AGBL1: variants seen among roughly 807,000 people sequenced by gnomAD.
AGBL1 encodes the protein cytosolic carboxypeptidase 4.
In AGBL1, 130 loss-of-function variants were observed where a neutral mutation model predicts 118.9. The ratio of observed to expected loss-of-function variants is 1.09; its 90% CI spans 0.95 to 1.26. The LOEUF (loss-of-function observed/expected upper bound fraction) is 1.26. Ranked by LOEUF, AGBL1 falls within the 50% of genes most tolerant of loss-of-function variation. The pLI, the probability that AGBL1 is intolerant of heterozygous loss-of-function variation, is 0.00. For missense variants in AGBL1, 1,584 were observed against 1,298.1 expected, an observed-to-expected ratio of 1.22 and a Z score of -3.38; for synonymous variants, 555 against 478.9, an observed-to-expected ratio of 1.16 and a Z score of -2.08.
chr15:86,682,166 C>T (rs2085970918), intron 22 of AGBL1, among the ~76,000 whole-genome samples: 1 of 152,094 alleles, frequency 6.6e-6, no homozygotes, highest in African/African-American at 2.4e-5. Flanking sequence ...CAAATAAATG[C>T]TACATGTTGG....
chr15:86,355,103 CT>C (rs1162482282), intron 17 of AGBL1, among the ~76,000 whole-genome samples: 1 of 152,114 alleles, frequency 6.6e-6, no homozygotes, highest in Non-Finnish European at 1.5e-5. Context: ...GGCCAGGTGA[CT>C]TTTTGCTTGG....
intron 21 of AGBL1, among the ~76,000 whole-genome samples, chr15:86,627,336 C>G (rs997412706): frequency 1.3e-5 from 2 of 152,252 alleles, no homozygotes; most frequent in African/African-American, 4.8e-5. Flanking sequence ...TGCCTATTGT[C>G]TGGGCATGGA....
In AGBL1 at chr15:86,480,905, G is replaced by A. The variant is rs530819523; in HGVS notation, c.2556-41905G>A. Among the ~76,000 whole-genome samples, 4 of 152,074 alleles carry A rather than the reference G, an allele frequency of 2.6e-5. No homozygotes were observed. In the South Asian group the frequency reaches 6.2e-4, roughly 24 times the overall value. On this transcript the variant is annotated intron_variant, in intron 18 of 22. Transcript: ENST00000614907. ...GGTTGAAGCCTAGGAAGTATGTGAA[G>A]GGTTTTGATCATCATGCTAAGAACT... is the stretch of plus-strand genomic sequence containing the variant.
intron 24 of AGBL1, among the ~76,000 whole-genome samples, chr15:87,028,054 A>AATAT (rs1049364851): frequency 6.6e-6 from 1 of 150,876 alleles, no homozygotes; most frequent in African/African-American, 2.4e-5. Context: ...GGAAGAAAAA[A>AATAT]ATATATATAT....
intron 6 of AGBL1, among the ~76,000 whole-genome samples, chr15:86,240,609 CTT>C (rs2078626754): frequency 6.6e-6 from 1 of 152,220 alleles, no homozygotes; most frequent in African/African-American, 2.4e-5. Flanking sequence ...TGGAAGGAAA[CTT>C]TGGAGAGTAA....
chr15:86,730,089 T>C (rs533428530), intron 22 of AGBL1, among the ~76,000 whole-genome samples: 22 of 152,124 alleles, frequency 1.4e-4, no homozygotes, highest in Non-Finnish European at 2.4e-4. Context: ...GTGCCTAAGA[T>C]TGAAACTGGA....
chr15:86,622,032 A>G (rs1032869202), intron 21 of AGBL1, among the ~76,000 whole-genome samples: 1 of 152,166 alleles, frequency 6.6e-6, no homozygotes, highest in Non-Finnish European at 1.5e-5. Context: ...GAAAACTTTG[A>G]TAAGAAAGGG....
At chr15:86,421,660 T>C (rs528048089) in intron 18 of AGBL1, among the ~76,000 whole-genome samples, 3 of 152,124 alleles carry the variant, frequency 2.0e-5, no homozygotes, top group East Asian at 1.9e-4. Flanking sequence ...GACTGGCAAA[T>C]TGGATAAAGA....
intron 5 of AGBL1, among the ~76,000 whole-genome samples, chr15:86,193,819 A>G (rs543496167): frequency 6.6e-6 from 1 of 152,290 alleles, no homozygotes; most frequent in South Asian, 2.1e-4. Context: ...TTCTACGTTT[A>G]TTCTAACCAA....
At chr15:86,311,847 T>C (rs1331867826) in intron 17 of AGBL1, among the ~76,000 whole-genome samples, 1 of 152,226 alleles carries the variant, frequency 6.6e-6, no homozygotes, top group Non-Finnish European at 1.5e-5. Context: ...CCCTTGCAGC[T>C]GGTGGAAATT....
At chr15:86,935,646 C>T (rs2080662394) in intron 23 of AGBL1, among the ~76,000 whole-genome samples, 1 of 152,174 alleles carries the variant, frequency 6.6e-6, no homozygotes, top group Non-Finnish European at 1.5e-5. Context: ...ACTGGTGGCT[C>T]TGTGATAAGA....
chr15:86,743,239 T>C lies in AGBL1; in HGVS notation c.3158+68803T>C, dbSNP rs112125880. Among the ~76,000 whole-genome samples the C allele has an allele frequency of 5.2e-3, 793 of 152,296 alleles. 3 individuals are homozygous for C. Among genetic ancestry groups the C allele is most frequent in the Non-Finnish European group, 9.2e-3 (627 of 68,018 alleles). On this transcript the variant is annotated intron_variant, in intron 22 of 22. Transcript: ENST00000614907. Reference sequence around the variant, plus strand: ...TTAAAATTCATCTACTTAAGTGGGCTATTGACTTTGCGATTATTTTTGACC... The same window carrying C: ...TTAAAATTCATCTACTTAAGTGGGCCATTGACTTTGCGATTATTTTTGACC...
At chr15:86,171,377 GAAAT>G (rs913250062) in intron 5 of AGBL1, among the ~76,000 whole-genome samples, 2 of 152,122 alleles carry the variant, frequency 1.3e-5, no homozygotes, top group African/African-American at 2.4e-5. Context: ...CAGGAAGAGA[GAAAT>G]AAAAGTATTC....
chr15:86,716,605 G>T (rs986386799), intron 22 of AGBL1, among the ~76,000 whole-genome samples: 1 of 152,102 alleles, frequency 6.6e-6, no homozygotes, highest in African/African-American at 2.4e-5. Flanking sequence ...AAAAGCTCAC[G>T]GCTATCTCCA....
chr15:86,426,553 C>T (rs1016826712), intron 18 of AGBL1, among the ~76,000 whole-genome samples: 3 of 152,142 alleles, frequency 2.0e-5, no homozygotes, highest in Non-Finnish European at 2.9e-5. Flanking sequence ...CAGATGGAAC[C>T]GGCCAACAAC....
At chr15:86,202,645 T>A (rs1009092961) in intron 5 of AGBL1, among the ~76,000 whole-genome samples, 3 of 152,210 alleles carry the variant, frequency 2.0e-5, no homozygotes, top group African/African-American at 7.2e-5. Flanking sequence ...TTGGGGGTAA[T>A]GTTTTATAAT....
chr15:86,585,186 C>A (rs1228794812), intron 21 of AGBL1, among the ~76,000 whole-genome samples: 2 of 152,002 alleles, frequency 1.3e-5, no homozygotes, highest in African/African-American at 4.8e-5. Flanking sequence ...CTTTCTCTTG[C>A]CTGATTGCTC....
intron 18 of AGBL1, among the ~76,000 whole-genome samples, chr15:86,409,154 G>A (rs780519729): frequency 2.2e-4 from 33 of 152,250 alleles, no homozygotes; most frequent in Admixed American, 2.6e-4. Flanking sequence ...TCCGCAATGC[G>A]TCTTCAGACA....
chr15:87,006,433 A>G lies in AGBL1; in HGVS notation c.3323+18345A>G, dbSNP rs193186680. Among the ~76,000 whole-genome samples the G allele has an allele frequency of 1.5e-3, 221 of 152,164 alleles. 3 individuals are homozygous for G. The highest frequency in any genetic ancestry group is 2.7e-3 in the Non-Finnish European group (184 of 68,000). On this transcript the variant is annotated intron_variant, in intron 24 of 24. Coordinates refer to the AGBL1 transcript ENST00000441037. ...AGCCTCGCTGCTGCCTTGCAGTTTGACCTCAGACTGCTGTGCTAGCCATGA... is the reference window on the plus strand; with the variant it reads ...AGCCTCGCTGCTGCCTTGCAGTTTGGCCTCAGACTGCTGTGCTAGCCATGA...
Sources: gnomAD v4.1 joint callset for allele counts (sites outside exome capture counted in the v4.1 genomes callset) on GRCh38, gnomAD v4.1.1 for gene constraint, MANE v1.5 for transcripts, NCBI Gene and HGNC (gene_info 2026-07-23, HGNC 2026-07-21) for gene names.